FGF12: variants seen among roughly 807,000 people sequenced by gnomAD.
The protein encoded by FGF12 is fibroblast growth factor 12.
A neutral mutation model predicts 23.6 loss-of-function variants in FGF12; 14 were observed. The observed-to-expected ratio is 0.59, with a 90% CI of 0.39 to 0.93. The LOEUF (loss-of-function observed/expected upper bound fraction) is 0.93. FGF12 is among the 40% of genes least tolerant of loss of function. The pLI, the probability that FGF12 is intolerant of heterozygous loss-of-function variation, is 0.00. For synonymous variants in FGF12, 62 were observed against 77.3 expected (o/e 0.80, Z 1.04); for missense variants, 175 against 217.8 (o/e 0.80, Z 1.24).
rs34936489 is a variant in FGF12 at position 192,554,791 on chromosome 3, GA to G, written c.13+172389del. On this transcript the variant is annotated intron_variant, in intron 2 of 5. Transcript: ENST00000445105. ...CTATAAAGATGCTCAATGAGCTAAG[GA>G]AAAAAAAAAGAATTCATGAATAAAA... is the stretch of plus-strand genomic sequence containing the variant. 8.7e-3 allele frequency among the ~76,000 whole-genome samples: 1,294 copies of G among 148,268 alleles called. 23 individuals carry two copies. The highest frequency in any genetic ancestry group is 0.03 in the African/African-American group (1,210 of 40,504).
intron 4 of FGF12, among the ~76,000 whole-genome samples, chr3:192,171,916 T>C (rs1478846940): frequency 7.2e-6 from 1 of 139,568 alleles, no homozygotes; most frequent in Admixed American, 7.4e-5. Flanking sequence ...TTTTTTTTCT[T>C]TTTCTTTTTG....
intron 2 of FGF12, among the ~76,000 whole-genome samples, chr3:192,528,863 A>C (rs1462988105): frequency 6.6e-6 from 1 of 152,118 alleles, no homozygotes; most frequent in Non-Finnish European, 1.5e-5. Context: ...AGCAGCTGGG[A>C]CACAGGGCAC....
At chr3:192,561,679 A>G (rs926339243) in intron 2 of FGF12, among the ~76,000 whole-genome samples, 3 of 152,150 alleles carry the variant, frequency 2.0e-5, no homozygotes. Flanking sequence ...TTTATTTGTG[A>G]GGATACAGAC....
At chr3:192,703,201 A>G (rs189568361) in intron 2 of FGF12, among the ~76,000 whole-genome samples, 3 of 152,330 alleles carry the variant, frequency 2.0e-5, no homozygotes, top group Admixed American at 1.3e-4. Context: ...TGGGTTCCGG[A>G]CAACCACAAT....
intron 2 of FGF12, among the ~76,000 whole-genome samples, chr3:192,580,229 CCTGTGTG>C (rs1444948792): frequency 4.6e-5 from 7 of 152,078 alleles, no homozygotes; most frequent in African/African-American, 1.7e-4. Flanking sequence ...GATTCAAGTT[CCTGTGTG>C]CTATCTCACT....
chr3:192,493,590 A>G (rs1175827986), intron 2 of FGF12, among the ~76,000 whole-genome samples: 2 of 152,102 alleles, frequency 1.3e-5, no homozygotes, highest in African/African-American at 4.8e-5. Context: ...AGTTCTACAG[A>G]CTGTACAGGA....
chr3:192,564,520 T>C (rs887044527), intron 2 of FGF12, among the ~76,000 whole-genome samples: 7 of 152,210 alleles, frequency 4.6e-5, no homozygotes, highest in African/African-American at 1.7e-4. Context: ...TGATATGTGA[T>C]ATGTCTAATG....
Position 192,143,729 on chromosome 3 carries a change from T to A in FGF12, c.*280A>T, listed in dbSNP as rs982695549. The stretch of plus-strand genomic sequence containing the variant: ...AGCCTTCTACTAATAACAATACAGT[T>A]TAATTTAATATTTATGGAGTTCTGA... On this transcript the variant is annotated 3_prime_UTR_variant, in exon 6 of 6. Coordinates refer to ENST00000445105, the MANE Select transcript of FGF12 (RefSeq NM_004113.6). The A allele has an allele frequency of 3.1e-6, 1 of 324,490 alleles. No homozygotes were observed. The allele number at this position is 324,490 out of a possible 1,614,324, so 20.1% of individuals were successfully genotyped here. A position where few individuals can be genotyped will look rare whatever the true frequency, so the allele number is the denominator to read the frequency against.
intron 5 of FGF12, among the ~76,000 whole-genome samples, chr3:192,146,275 T>A (rs890163146): frequency 4.9e-4 from 73 of 150,144 alleles, no homozygotes; most frequent in African/African-American, 1.4e-3. Context: ...AGTGTATATT[T>A]TTTTTTTTTT....
intron 2 of FGF12, among the ~76,000 whole-genome samples, chr3:192,585,137 T>C (rs1329439001): frequency 2.6e-5 from 4 of 152,168 alleles, no homozygotes; most frequent in Admixed American, 2.6e-4. Context: ...GTGAATTCAA[T>C]ATTTAAGGAA....
intron 2 of FGF12, among the ~76,000 whole-genome samples, chr3:192,625,202 G>C (rs1165776935): frequency 6.6e-6 from 1 of 152,048 alleles, no homozygotes; most frequent in East Asian, 1.9e-4. Flanking sequence ...AAGTAGAATT[G>C]CTGGATCAAA....
At chr3:192,605,673 A>G (rs542476073) in intron 2 of FGF12, among the ~76,000 whole-genome samples, 1 of 152,344 alleles carries the variant, frequency 6.6e-6, no homozygotes, top group Non-Finnish European at 1.5e-5. Context: ...TCTCATTTTA[A>G]AAAGGCCCAA....
At chr3:192,183,763 G>A (rs957115449) in intron 4 of FGF12, among the ~76,000 whole-genome samples, 2 of 152,188 alleles carry the variant, frequency 1.3e-5, no homozygotes, top group Non-Finnish European at 2.9e-5. Context: ...AGAAAGCAAG[G>A]CTGAGCAGGG....
chr3:192,155,237 C>CGGTA (rs1560169765), intron 5 of FGF12, among the ~76,000 whole-genome samples: 2 of 151,978 alleles, frequency 1.3e-5, no homozygotes. Flanking sequence ...GAGATGAACC[C>CGGTA]GGTACCTCAG....
intron 2 of FGF12, among the ~76,000 whole-genome samples, chr3:192,619,420 A>G (rs1345081830): frequency 6.6e-6 from 1 of 152,186 alleles, no homozygotes; most frequent in Non-Finnish European, 1.5e-5. Context: ...GGTGCAGGAC[A>G]AGGCTGAAGA....
intron 5 of FGF12, among the ~76,000 whole-genome samples, chr3:192,162,196 G>A (rs899471766): frequency 2.0e-5 from 3 of 152,000 alleles, no homozygotes; most frequent in Admixed American, 2.0e-4. Flanking sequence ...ATCATAGAAG[G>A]GTGTGGGAAA....
intron 2 of FGF12, among the ~76,000 whole-genome samples, chr3:192,551,988 T>C (rs1168346214): frequency 6.6e-6 from 1 of 152,010 alleles, no homozygotes; most frequent in Non-Finnish European, 1.5e-5. Flanking sequence ...TATATAGAGA[T>C]ATATATGTAG....
intron 2 of FGF12, among the ~76,000 whole-genome samples, chr3:192,440,112 T>C (rs537885354): frequency 2.2e-4 from 33 of 152,108 alleles, no homozygotes; most frequent in African/African-American, 7.7e-4. Flanking sequence ...GGGAACAGCA[T>C]GTAGGAAGAC....
chr3:192,368,817 T>G (rs1049296421), intron 2 of FGF12, among the ~76,000 whole-genome samples: 1 of 152,132 alleles, frequency 6.6e-6, no homozygotes, highest in African/African-American at 2.4e-5. Flanking sequence ...ACTGAAATCT[T>G]TACTAACAGA....
Sources: gnomAD v4.1 joint callset for allele counts (sites outside exome capture counted in the v4.1 genomes callset) on GRCh38, gnomAD v4.1.1 for gene constraint, MANE v1.5 for transcripts, NCBI Gene and HGNC (gene_info 2026-07-23, HGNC 2026-07-21) for gene names.